The following CD86 variants were observed in gnomAD, a reference collection of about 807,000 sequenced individuals.
CD86 encodes CD86 molecule.
Under a neutral mutation model 32.1 loss-of-function variants are expected in CD86, and 11 were observed. The observed-to-expected ratio is 0.34, with a 90% confidence interval of 0.22 to 0.57. CD86 has a LOEUF of 0.57. Among genes scored for constraint, CD86 ranks in the 20% least tolerant of loss-of-function variants. The probability of loss-of-function intolerance (pLI) is 0.86; values close to 1 mark genes in which losing one functional copy is unlikely to be tolerated. For synonymous variants in CD86, 137 were observed against 135.3 expected (o/e 1.01, Z -0.09); for missense variants, 359 against 398.4 (o/e 0.90, Z 0.84).
intron 2 of CD86, among the ~76,000 whole-genome samples, chr3:122,101,424 C>T (rs1473574454): frequency 6.9e-6 from 1 of 145,688 alleles, no homozygotes; most frequent in Admixed American, 6.9e-5. Flanking sequence ...GGGCCTGGGT[C>T]AGCGGAGTTA....
chr3:122,119,595 G>A lies in CD86; in HGVS notation c.*61G>A, dbSNP rs2073311950. 2.8e-6 allele frequency: 3 copies of A among 1,081,058 alleles called. No homozygotes were observed. Among genetic ancestry groups the A allele is most frequent in the Non-Finnish European group, 4.2e-6 (3 of 712,862 alleles). The allele number at this position is 1,081,058 out of a possible 1,614,324, so 67.0% of individuals were successfully genotyped here. On this transcript the variant is annotated 3_prime_UTR_variant, in exon 7 of 7. Coordinates refer to ENST00000330540, the MANE Select transcript of CD86 (RefSeq NM_175862.5). Reference sequence around the variant, plus strand: ...CTACCCTTTCCTTTGTAAGTTCCTGGGCAACCTTTTTGATTTCTTCCAGAA... The same window carrying A: ...CTACCCTTTCCTTTGTAAGTTCCTGAGCAACCTTTTTGATTTCTTCCAGAA...
chr3:122,065,367 G>A (rs139793886), intron 1 of CD86, among the ~76,000 whole-genome samples: 51 of 152,300 alleles, frequency 3.3e-4, no homozygotes, highest in Non-Finnish European at 6.0e-4. Context: ...ACTAAAAATG[G>A]TCCATAGACA....
At position 122,103,968 on chromosome 3, in the gene CD86, A is replaced by G. The variant is rs368197998; in HGVS notation, c.400+121A>G. 4.0e-3 allele frequency: 3,019 copies of G among 751,570 alleles called. 93 individuals carry two copies. In the South Asian group the frequency reaches 0.044, roughly 11 times the overall value. The allele number at this position is 751,570 out of a possible 1,614,324, so 46.6% of individuals were successfully genotyped here. A position where few individuals can be genotyped will look rare whatever the true frequency, so the allele number is the denominator to read the frequency against. ...GGGGAAAAGGGGGGTCTATAGAGAG[A>G]AGGCAGAGGACAGCCACTTCTGGGA... is the stretch of plus-strand genomic sequence containing the variant. On this transcript the variant is annotated intron_variant, in intron 3 of 6. Coordinates refer to ENST00000330540, the MANE Select transcript of CD86 (RefSeq NM_175862.5).
intron 1 of CD86, among the ~76,000 whole-genome samples, chr3:122,075,270 A>G (rs982995407): frequency 2.0e-5 from 3 of 152,132 alleles, no homozygotes; most frequent in Non-Finnish European, 4.4e-5. Flanking sequence ...AGAGCTGCCA[A>G]TGGGTGAGGG....
intron 1 of CD86, among the ~76,000 whole-genome samples, chr3:122,059,439 G>A (rs1038470647): frequency 6.6e-6 from 1 of 151,986 alleles, no homozygotes; most frequent in African/African-American, 2.4e-5. Flanking sequence ...GGGAGACTGA[G>A]GCACGAGAAT....
chr3:122,087,755 A>C (rs1162548291), intron 1 of CD86, among the ~76,000 whole-genome samples: 2 of 152,132 alleles, frequency 1.3e-5, no homozygotes, highest in African/African-American at 4.8e-5. Flanking sequence ...GTTTGCTGTC[A>C]CCAAATCCTT....
intron 3 of CD86, among the ~76,000 whole-genome samples, chr3:122,104,372 A>G (rs2073058370): frequency 6.6e-6 from 1 of 152,200 alleles, no homozygotes; most frequent in Non-Finnish European, 1.5e-5. Context: ...CAGAAGGGAA[A>G]AAAACCCAAC....
At chr3:122,085,749 G>A (rs2072706964) in intron 1 of CD86, among the ~76,000 whole-genome samples, 1 of 152,200 alleles carries the variant, frequency 6.6e-6, no homozygotes, top group African/African-American at 2.4e-5. Context: ...TCAGGTCCTG[G>A]TGCTCTGAGA....
intron 1 of CD86, among the ~76,000 whole-genome samples, chr3:122,083,948 GT>G (rs1294967306): frequency 3.9e-5 from 6 of 152,108 alleles, no homozygotes; most frequent in African/African-American, 1.4e-4. Flanking sequence ...ACTACTACAA[GT>G]TTTCAAATTA....
intron 2 of CD86, among the ~76,000 whole-genome samples, chr3:122,092,903 A>G (rs895857788): frequency 6.6e-6 from 1 of 152,190 alleles, no homozygotes; most frequent in Admixed American, 6.5e-5. Context: ...TGGCTGGGAT[A>G]AGCCTTTTCA....
intron 1 of CD86, among the ~76,000 whole-genome samples, chr3:122,080,484 A>C (rs189262341): frequency 3.9e-4 from 59 of 152,268 alleles, no homozygotes; most frequent in Non-Finnish European, 6.8e-4. Flanking sequence ...AGGGGAACGC[A>C]TTCTTCATTT....
chr3:122,076,057 C>G (rs988051123), intron 1 of CD86, among the ~76,000 whole-genome samples: 10 of 152,178 alleles, frequency 6.6e-5, no homozygotes, highest in Non-Finnish European at 1.5e-4. Context: ...ACACAGGTCT[C>G]TATGACTCCA....
At chr3:122,084,344 T>C (rs559653370) in intron 1 of CD86, among the ~76,000 whole-genome samples, 14 of 152,364 alleles carry the variant, frequency 9.2e-5, no homozygotes, top group Admixed American at 7.8e-4. Context: ...CAGTTTTTTC[T>C]ATGAAAGGCC....
intron 1 of CD86, among the ~76,000 whole-genome samples, chr3:122,068,279 A>G (rs2072442215): frequency 6.6e-6 from 1 of 152,182 alleles, no homozygotes; most frequent in South Asian, 2.1e-4. Context: ...TTCCCTAAAT[A>G]TTAAATATGC....
At chr3:122,060,295 G>T (rs575233245) in intron 1 of CD86, among the ~76,000 whole-genome samples, 2 of 152,178 alleles carry the variant, frequency 1.3e-5, no homozygotes, top group Non-Finnish European at 2.9e-5. Flanking sequence ...CTTGACCTTT[G>T]CAGAACACTC....
rs1407235204 is a variant in CD86 at position 122,120,158 on chromosome 3, T to C, written c.*624T>C. On this transcript the variant is annotated 3_prime_UTR_variant, in exon 7 of 7. Transcript: ENST00000330540. ...CGGTGGCCTAGGGTACAGGCAACAATGAGCAGACCAACCTAAATTTGGGGA... is the reference window on the plus strand; with the variant it reads ...CGGTGGCCTAGGGTACAGGCAACAACGAGCAGACCAACCTAAATTTGGGGA... The C allele has an allele frequency of 1.3e-5, 2 of 152,214 alleles. No homozygotes were observed. The highest frequency in any genetic ancestry group is 2.9e-5 in the Non-Finnish European group (2 of 68,118). 9.4% of individuals were successfully genotyped at this position (152,214 alleles called of 1,614,324 possible).
chr3:122,102,406 C>CTTTTTTTTTTTTTTTT (rs1011413952), intron 2 of CD86, among the ~76,000 whole-genome samples: 1 of 56,134 alleles, frequency 1.8e-5, no homozygotes, highest in African/African-American at 8.3e-5. Context: ...CCACTGCTTA[C>CTTTTTTTTTTTTTTTT]TTTTTTTTTT....
chr3:122,081,569 C>G (rs1445468124), intron 1 of CD86, among the ~76,000 whole-genome samples: 1 of 152,192 alleles, frequency 6.6e-6, no homozygotes, highest in East Asian at 1.9e-4. Context: ...ATAGCTACCA[C>G]GTTGAGTTCT....
chr3:122,074,214 T>G (rs1326612351), intron 1 of CD86, among the ~76,000 whole-genome samples: 1 of 152,182 alleles, frequency 6.6e-6, no homozygotes, highest in East Asian at 1.9e-4. Flanking sequence ...TGCTACCCCC[T>G]CGGGAGCACT....
Sources: gnomAD v4.1 joint callset for allele counts (sites outside exome capture counted in the v4.1 genomes callset) on GRCh38, gnomAD v4.1.1 for gene constraint, MANE v1.5 for transcripts, NCBI Gene and HGNC (gene_info 2026-07-23, HGNC 2026-07-21) for gene names.